ZFR: variants seen among roughly 807,000 people sequenced by gnomAD.
ZFR encodes the protein zinc finger RNA-binding protein.
ZFR carries 19 observed loss-of-function variants against 130.7 expected under a neutral mutation model. The ratio of observed to expected loss-of-function variants is 0.15; its 90% CI spans 0.10 to 0.21. ZFR has a LOEUF of 0.21. Among genes scored for constraint, ZFR ranks in the 10% least tolerant of loss-of-function variants. The pLI is 1.00. For synonymous variants in ZFR, 466 were observed against 456.9 expected (o/e 1.02, Z -0.25); for missense variants, 872 against 1,321.5 (o/e 0.66, Z 5.27).
chr5:32,390,413 C>G lies in ZFR; in HGVS notation c.2004G>C (p.Trp668Cys). 1 of 1,614,052 alleles carries G rather than the reference C, an allele frequency of 6.2e-7. No homozygotes were observed. Among genetic ancestry groups the G allele is most frequent in the Non-Finnish European group, 8.5e-7 (1 of 1,179,994 alleles). Residue 668 changes from tryptophan to cysteine, a missense_variant, in exon 12 of 20, where the codon TGG becomes TGC. Trp to Cys is a radical substitution (Grantham distance 215, BLOSUM62 -2). Around this residue, in one of 7 missense-constraint regions of ZFR, gnomAD observed 225 missense variants for 282.4 expected, o/e 0.80. Transcript: ENST00000265069. Reference sequence around the variant, plus strand: ...GATGTTGTTCTTCCTCCATTCTCCTCCAGTACATGTCCTCTTCATAACGTC... The same window carrying G: ...GATGTTGTTCTTCCTCCATTCTCCTGCAGTACATGTCCTCTTCATAACGTC... ...EMRRYEEDMY[W>C]RRMEEEQHHW...
At chr5:32,412,497 T>C (rs1753734547) in intron 5 of ZFR, among the ~76,000 whole-genome samples, 1 of 152,234 alleles carries the variant, frequency 6.6e-6, no homozygotes, top group South Asian at 2.1e-4. Context: ...AGATTCTCAA[T>C]TTCAAAAACA....
At chr5:32,383,316 G>A (rs1254593198) in intron 15 of ZFR, among the ~76,000 whole-genome samples, 4 of 152,176 alleles carry the variant, frequency 2.6e-5, no homozygotes, top group African/African-American at 9.7e-5. Context: ...ACCCCTGACA[G>A]GATCAATCCC....
intron 8 of ZFR, among the ~76,000 whole-genome samples, chr5:32,401,232 C>T (rs547002162): frequency 2.7e-4 from 41 of 152,266 alleles, no homozygotes; most frequent in African/African-American, 8.9e-4. Flanking sequence ...AATCTGGATA[C>T]GGCGCTAAGT....
chr5:32,405,075 T>G (rs1349855765), intron 6 of ZFR, among the ~76,000 whole-genome samples: 1 of 152,222 alleles, frequency 6.6e-6, no homozygotes, highest in Non-Finnish European at 1.5e-5. Context: ...AAAAGACAGT[T>G]GTAAACTGAC....
intron 17 of ZFR, 73 bp downstream of exon 17, chr5:32,379,042 G>A: frequency 8.6e-7 from 1 of 1,162,478 alleles, no homozygotes; most frequent in Non-Finnish European, 1.3e-6. Context: ...ATAATTACAT[G>A]TAAACTGAGA....
intron 2 of ZFR, among the ~76,000 whole-genome samples, chr5:32,420,540 C>A (rs1346942202): frequency 2.6e-5 from 4 of 152,110 alleles, no homozygotes; most frequent in African/African-American, 9.7e-5. Flanking sequence ...CTATTCTAGC[C>A]CAATTACAGA....
In ZFR at chr5:32,389,951, G is replaced by A. The variant is rs185800974; in HGVS notation, c.2142+324C>T. ...GGATCTCCTGAAGTCAGGAGTTCAA[G>A]ACCAGCCTGGCCAACGTGGCGAAAC... On this transcript the variant is annotated intron_variant, in intron 12 of 19. Transcript: ENST00000265069. 3.6e-3 allele frequency among the ~76,000 whole-genome samples: 555 copies of A among 152,322 alleles called. 4 individuals carry two copies. Among genetic ancestry groups the A allele is most frequent in the African/African-American group, 0.012 (485 of 41,574 alleles).
At position 32,369,700 on chromosome 5, in the gene ZFR, T is replaced by C. The variant is rs140151252; in HGVS notation, c.2836-5425A>G. Among the ~76,000 whole-genome samples, 1,013 of 151,962 alleles carry C rather than the reference T, an allele frequency of 6.7e-3. 5 individuals are homozygous for C. The highest frequency in any genetic ancestry group is 0.012 in the Non-Finnish European group (782 of 67,942). Reference sequence around the variant, plus strand: ...GGTAGCATGCACCTACAGTCCTATGTACGTGGGAGGCTGAGTTAGGAGAAT... The same window carrying C: ...GGTAGCATGCACCTACAGTCCTATGCACGTGGGAGGCTGAGTTAGGAGAAT... On this transcript the variant is annotated intron_variant, in intron 17 of 19. Coordinates refer to ENST00000265069, the MANE Select transcript of ZFR (RefSeq NM_016107.5).
intron 2 of ZFR, among the ~76,000 whole-genome samples, chr5:32,427,266 G>GC (rs1754093709): frequency 6.6e-6 from 1 of 150,752 alleles, no homozygotes; most frequent in Admixed American, 6.6e-5. Context: ...GATGACACGT[G>GC]CATGTAGTCC....
At chr5:32,437,308 G>A (rs759578776) in intron 2 of ZFR, among the ~76,000 whole-genome samples, 6 of 152,006 alleles carry the variant, frequency 3.9e-5, no homozygotes, top group Non-Finnish European at 5.9e-5. Flanking sequence ...TGAAAGCAGG[G>A]ACTATGCATA....
chr5:32,358,991 T>C (rs1001211632), intron 19 of ZFR, among the ~76,000 whole-genome samples: 6 of 152,124 alleles, frequency 3.9e-5, no homozygotes, highest in Non-Finnish European at 7.4e-5. Flanking sequence ...GGAAGATCAC[T>C]TGAGCCCAGC....
At position 32,387,645 on chromosome 5, in the gene ZFR, T is replaced by A. The variant is rs779162165; in HGVS notation, c.2403A>T (p.Arg801=). Residue 801 remains arginine, a synonymous_variant, in exon 14 of 20, where the codon CGA becomes CGT. Coordinates refer to ENST00000265069, the MANE Select transcript of ZFR (RefSeq NM_016107.5). The part of the protein sequence containing the change: ...VGVLAKGLLL[R]GDRNVNLVLL... ...AAACAAGGTTGACATTTCTATCTCCTCGGAGAAGTAATCCTTTTGCCAATA... is the reference window on the plus strand; with the variant it reads ...AAACAAGGTTGACATTTCTATCTCCACGGAGAAGTAATCCTTTTGCCAATA... 2 of 1,613,648 alleles carry A rather than the reference T, an allele frequency of 1.2e-6. No homozygotes were observed.
intron 19 of ZFR, 39 bp downstream of exon 19, chr5:32,363,909 A>G: frequency 8.4e-6 from 13 of 1,538,558 alleles, no homozygotes; most frequent in Non-Finnish European, 1.2e-5. Flanking sequence ...ACCTTAATGG[A>G]GTAACCCAAT....
intron 5 of ZFR, among the ~76,000 whole-genome samples, chr5:32,411,781 C>T (rs1279224511): frequency 1.4e-5 from 2 of 147,250 alleles, no homozygotes; most frequent in African/African-American, 5.1e-5. Context: ...ATAGCACTTA[C>T]ATGGTATTAG....
At chr5:32,370,659 G>C (rs922479882) in intron 17 of ZFR, among the ~76,000 whole-genome samples, 2 of 152,148 alleles carry the variant, frequency 1.3e-5, no homozygotes, top group Admixed American at 1.3e-4. Flanking sequence ...TTACAGGTAG[G>C]AGCCATTGTG....
intron 5 of ZFR, among the ~76,000 whole-genome samples, chr5:32,407,294 G>C (rs4867441): frequency 0.63 from 94,766 of 151,064 alleles, 30,130 homozygotes; most frequent in African/African-American, 0.72. Context: ...TTTAATTGGA[G>C]AGATGTGATA....
chr5:32,430,734 C>T (rs1035756899), intron 2 of ZFR, among the ~76,000 whole-genome samples: 1 of 152,074 alleles, frequency 6.6e-6, no homozygotes, highest in Non-Finnish European at 1.5e-5. Flanking sequence ...GTGATGACTA[C>T]TCAAGGAGGT....
chr5:32,387,797 A>T (rs1339733158), intron 13 of ZFR, 98 bp from the exon 14 acceptor site: 2 of 1,259,660 alleles, frequency 1.6e-6, no homozygotes, highest in Non-Finnish European at 2.1e-6. Flanking sequence ...CTTTTGTGCC[A>T]TTAAAATTTC....
Position 32,402,985 on chromosome 5 carries a change from C to T in ZFR, c.1516+121G>A, listed in dbSNP as rs1181953984. ...CACACTAGGCAGATATGTGAAGAAACAAGGTCCCAGAGAGAAGGGAGGAGG... is the reference window on the plus strand; with the variant it reads ...CACACTAGGCAGATATGTGAAGAAATAAGGTCCCAGAGAGAAGGGAGGAGG... On this transcript the variant is annotated intron_variant, in intron 8 of 19. Transcript: ENST00000265069. The T allele has an allele frequency of 1.2e-5, 11 of 948,874 alleles. No individual in the cohort carries two copies. The East Asian group carries it at 2.8e-4, about 24-fold the overall frequency. The allele number at this position is 948,874 out of a possible 1,614,324, so 58.8% of individuals were successfully genotyped here.
Sources: allele counts gnomAD v4.1 joint callset (sites outside exome capture counted in the v4.1 genomes callset), GRCh38; gene constraint gnomAD v4.1.1; regional missense constraint gnomAD v4.1.1; transcripts MANE v1.5; gene names NCBI Gene and HGNC (gene_info 2026-07-23, HGNC 2026-07-21).